SVEP1: variants seen among roughly 807,000 people sequenced by gnomAD.
SVEP1 encodes sushi, von Willebrand factor type A, EGF and pentraxin domain-containing protein 1.
Under a neutral mutation model 367.3 loss-of-function variants are expected in SVEP1, and 164 were observed. That is an observed-to-expected ratio of 0.45 (90% CI 0.39 to 0.51). The LOEUF is 0.51. Ranked by LOEUF, SVEP1 falls within the 20% of genes least tolerant of loss-of-function variation. The pLI, the probability that SVEP1 is intolerant of heterozygous loss-of-function variation, is 0.00. For synonymous variants in SVEP1, 1,666 were observed against 1,611.6 expected (o/e 1.03, Z -0.81); for missense variants, 4,117 against 4,425.3 (o/e 0.93, Z 1.98).
intron 27 of SVEP1, chr9:110,442,975 G>A (rs955374919): frequency 6.6e-6 from 1 of 152,006 alleles, no homozygotes; most frequent in Non-Finnish European, 1.5e-5. Context: ...TGAAACAAAT[G>A]AGCAAAGTAA....
intron 27 of SVEP1, among the ~76,000 whole-genome samples, chr9:110,439,464 C>A (rs191347506): frequency 2.6e-4 from 39 of 152,104 alleles, no homozygotes; most frequent in African/African-American, 6.3e-4. Context: ...CGCAATCTCA[C>A]CTCACTGCGA....
At chr9:110,497,039 G>A in intron 7 of SVEP1, 106 bp from the exon 8 acceptor site, 1 of 649,178 alleles carries the variant, frequency 1.5e-6, no homozygotes, top group South Asian at 2.7e-5. Flanking sequence ...TGACACATTT[G>A]TACATCCCAG....
intron 9 of SVEP1, among the ~76,000 whole-genome samples, chr9:110,488,491 G>GA (rs200455887): frequency 0.017 from 2,589 of 151,450 alleles, 59 homozygotes; most frequent in East Asian, 0.076. Context: ...ATAATGGAGG[G>GA]AAAAAAAAGA....
At chr9:110,519,225 C>T (rs1359808780) in intron 3 of SVEP1, among the ~76,000 whole-genome samples, 1 of 152,172 alleles carries the variant, frequency 6.6e-6, no homozygotes, top group African/African-American at 2.4e-5. Flanking sequence ...AGCAACAATG[C>T]CTGGCATGTT....
intron 26 of SVEP1, among the ~76,000 whole-genome samples, 160 bp downstream of exon 26, chr9:110,445,677 T>C (rs1360028950): frequency 6.6e-6 from 1 of 152,214 alleles, no homozygotes; most frequent in East Asian, 1.9e-4. Flanking sequence ...AAATTTACGT[T>C]CTTAAAGAAC....
At chr9:110,429,359 A>C (rs375749477) in intron 34 of SVEP1, 25 bp from the exon 35 acceptor site, 47 of 1,471,750 alleles carry the variant, frequency 3.2e-5, no homozygotes, top group Non-Finnish European at 4.1e-5. Flanking sequence ...GGAAAATTAC[A>C]GGATATAATT....
Position 110,434,413 on chromosome 9 carries a change from C to T in SVEP1, c.4982G>A (p.Gly1661Asp). The T allele has an allele frequency of 6.2e-7, 1 of 1,613,428 alleles. No homozygotes were observed. The highest frequency in any genetic ancestry group is 8.5e-7 in the Non-Finnish European group (1 of 1,179,712). Residue 1661 changes from glycine (G) to aspartate (D), a missense_variant, in exon 30 of 48, where the codon GGC becomes GAC. Gly to Asp is a moderately conservative substitution (Grantham distance 94). Around this residue, in one of 4 missense-constraint regions of SVEP1, gnomAD observed 2,174 missense variants for 2,494.3 expected, o/e 0.87. Transcript: ENST00000374469. ...GSKVNLFCDP[G>D]FQLVGNPVQY... Reference sequence around the variant, plus strand: ...CACAGGGTTCCCGACCAGCTGGAAGCCTGGATCACAGAACAGATTGACTTT... The same window carrying T: ...CACAGGGTTCCCGACCAGCTGGAAGTCTGGATCACAGAACAGATTGACTTT...
Position 110,472,240 on chromosome 9 carries a change from T to C in SVEP1, c.2683A>G (p.Ile895Val). Residue 895 changes from isoleucine to valine, a missense_variant, in exon 15 of 48, where the codon ATC becomes GTC. Transcript: ENST00000374469. ...ATCCGTGAGGACTTGGCATTGCCGA[T>C]GCTTGTGGCTGTTTCTTGCACAGTG... The part of the protein sequence containing the change: ...LDTVQETATS[I>V]GNAKSSRIKR... 6.2e-7 allele frequency: 1 copy of C among 1,613,704 alleles called. No individual in the cohort carries two copies. The highest frequency in any genetic ancestry group is 8.5e-7 in the Non-Finnish European group (1 of 1,179,824).
chr9:110,436,980 CT>C (rs1195287016), intron 27 of SVEP1, among the ~76,000 whole-genome samples: 2 of 152,146 alleles, frequency 1.3e-5, no homozygotes, highest in Non-Finnish European at 2.9e-5. Context: ...TGTAACTTCT[CT>C]GTATCAGCTG....
At chr9:110,507,115 C>A (rs1263467861) in intron 5 of SVEP1, among the ~76,000 whole-genome samples, 1 of 152,012 alleles carries the variant, frequency 6.6e-6, no homozygotes, top group African/African-American at 2.4e-5. Flanking sequence ...TAGATAGAAC[C>A]TACAAGCATT....
intron 38 of SVEP1, 114 bp from the exon 39 acceptor site, chr9:110,404,666 T>C (rs1827927633): frequency 1.1e-6 from 1 of 946,102 alleles, no homozygotes; most frequent in Admixed American, 2.0e-5. Context: ...TGCAACATAT[T>C]GATTGTTGCA....
chr9:110,386,112 CCT>C (rs3831125), intron 42 of SVEP1, 38 bp from the exon 43 acceptor site: 12 of 1,582,172 alleles, frequency 7.6e-6, no homozygotes, highest in African/African-American at 1.4e-5. Context: ...TGATATTTCC[CCT>C]CTTTTCCTAA....
chr9:110,381,551 A>G (rs1376605424), intron 43 of SVEP1, among the ~76,000 whole-genome samples: 1 of 152,136 alleles, frequency 6.6e-6, no homozygotes, highest in Non-Finnish European at 1.5e-5. Flanking sequence ...CTGTGGTCTG[A>G]GAGAATGTTT....
In SVEP1 at chr9:110,404,408, G is replaced by A. The variant is rs377337648; in HGVS notation, c.9585C>T (p.Asp3195=). The change falls in exon 39 of 48, where the codon GAC becomes GAT. Residue 3195 remains aspartate (D), a synonymous_variant. Coordinates refer to ENST00000374469, the MANE Select transcript of SVEP1 (RefSeq NM_153366.4). The stretch of plus-strand genomic sequence containing the variant: ...AAACTTGCCTATTCACACTGAAATC[G>A]TCCCCATGTACAAGTATATGTGTTA... ...ENITHILVHG[D]DFSVNRQVSV... 5.6e-5 allele frequency: 90 copies of A among 1,613,748 alleles called. 1 individual carries two copies. Among genetic ancestry groups the A allele is most frequent in the South Asian group, 1.8e-4 (16 of 91,080 alleles).
intron 27 of SVEP1, among the ~76,000 whole-genome samples, chr9:110,440,535 A>C (rs1029318792): frequency 6.6e-6 from 1 of 152,244 alleles, no homozygotes; most frequent in Non-Finnish European, 1.5e-5. Context: ...GGGAAAATTC[A>C]TGCATAAATA....
In SVEP1 at chr9:110,385,950, G is replaced by T; in HGVS notation, c.10185C>A (p.Ile3395=). 3 of 1,613,924 alleles carry T rather than the reference G, an allele frequency of 1.9e-6. No homozygotes were observed. The highest frequency in any genetic ancestry group is 1.7e-6 in the Non-Finnish European group (2 of 1,179,846). The change falls in exon 43 of 48, where the codon ATC becomes ATA. Residue 3395 remains isoleucine, a synonymous_variant. Coordinates refer to ENST00000374469, the MANE Select transcript of SVEP1 (RefSeq NM_153366.4). ...REGFLLQGHG[I]ITCNPDETWT... Reference sequence around the variant, plus strand: ...ACGTCTCGTCGGGGTTGCAGGTAATGATGCCGTGGCCCTGCAGCAGAAAAC... The same window carrying T: ...ACGTCTCGTCGGGGTTGCAGGTAATTATGCCGTGGCCCTGCAGCAGAAAAC...
intron 1 of SVEP1, among the ~76,000 whole-genome samples, chr9:110,560,276 C>A (rs766049180): frequency 2.0e-5 from 3 of 152,148 alleles, no homozygotes; most frequent in African/African-American, 2.4e-5. Context: ...GTAGGCTATA[C>A]CACCCAGGTT....
Position 110,471,966 on chromosome 9 carries a change from G to A in SVEP1, c.2764+193C>T, listed in dbSNP as rs906766580. On this transcript the variant is annotated intron_variant, in intron 15 of 47. Transcript: ENST00000374469. ...ATGAGAACGAAGTAGGGTGCTTTTC[G>A]CCGTGAGACCTACAAAAGACATCTA... Among the ~76,000 whole-genome samples the A allele has an allele frequency of 9.9e-5, 15 of 151,980 alleles. No homozygotes were observed. In the South Asian group the frequency reaches 1.2e-3, roughly 13 times the overall value.
At chr9:110,520,972 T>C (rs560548753) in intron 3 of SVEP1, among the ~76,000 whole-genome samples, 6 of 152,286 alleles carry the variant, frequency 3.9e-5, no homozygotes, top group South Asian at 2.1e-4. Flanking sequence ...CTTTCTGCTA[T>C]AAATAGGTAA....
Sources: allele counts gnomAD v4.1 joint callset (sites outside exome capture counted in the v4.1 genomes callset), GRCh38; gene constraint gnomAD v4.1.1; regional missense constraint gnomAD v4.1.1; transcripts MANE v1.5; gene names NCBI Gene and HGNC (gene_info 2026-07-23, HGNC 2026-07-21).